Variants in PCDH11X observed in about 807,000 individuals in gnomAD.
PCDH11X encodes the protein protocadherin 11 X-linked, also known as protocadherin-11 X-linked.
A neutral mutation model predicts 53.3 loss-of-function variants in PCDH11X; 18 were observed. The ratio of observed to expected loss-of-function variants is 0.34; its 90% CI spans 0.23 to 0.50. PCDH11X has a LOEUF of 0.50. Ranked by LOEUF, PCDH11X falls within the 20% of genes least tolerant of loss-of-function variation. The pLI is 0.98. For missense variants in PCDH11X, 570 were observed against 1,032.4 expected (o/e 0.55, Z 6.14); for synonymous variants, 279 against 393.3 (o/e 0.71, Z 3.44).
At chrX:91,876,116 G>A (rs1301974899) in intron 5 of PCDH11X, among the ~76,000 whole-genome samples, 1 of 111,445 alleles carries the variant, frequency 9.0e-6, no homozygotes, top group East Asian at 2.8e-4. Flanking sequence ...TAAATAGTTC[G>A]AAAACCAAAC....
chrX:92,377,182 A>G (rs148530132), intron 8 of PCDH11X, among the ~76,000 whole-genome samples: 1,513 of 111,808 alleles, frequency 0.014, 26 homozygotes, highest in African/African-American at 0.047. Context: ...TTCAATTTGT[A>G]TATCTTAAAT....
chrX:92,548,371 A>G (rs1219385423), intron 10 of PCDH11X, among the ~76,000 whole-genome samples: 1 of 110,625 alleles, frequency 9.0e-6, no homozygotes, highest in Non-Finnish European at 1.9e-5. Context: ...GGGTTTCACT[A>G]TGTTGCTCAG....
At chrX:91,803,650 G>A (rs992941799) in intron 1 of PCDH11X, among the ~76,000 whole-genome samples, 13 of 111,058 alleles carry the variant, frequency 1.2e-4, no homozygotes, top group Admixed American at 3.9e-4. Context: ...ATATGTAAAC[G>A]GAAGTCACAA....
chrX:92,560,672 T>C (rs1419666857), intron 10 of PCDH11X, among the ~76,000 whole-genome samples: 5 of 109,704 alleles, frequency 4.6e-5, no homozygotes, highest in Non-Finnish European at 9.4e-5. Flanking sequence ...CTGGCGGTGG[T>C]TATGGCCACA....
chrX:91,881,472 A>G (rs1939904178), intron 6 of PCDH11X, among the ~76,000 whole-genome samples: 1 of 111,572 alleles, frequency 9.0e-6, no homozygotes, highest in African/African-American at 3.2e-5. Flanking sequence ...TATATATTTT[A>G]TTATTGGTTC....
chrX:92,068,779 A>T (rs1320547331), intron 6 of PCDH11X, among the ~76,000 whole-genome samples: 1 of 110,521 alleles, frequency 9.0e-6, no homozygotes, highest in Non-Finnish European at 1.9e-5. Flanking sequence ...ACCTCAAGTG[A>T]TCTGCTTGCC....
intron 9 of PCDH11X, among the ~76,000 whole-genome samples, chrX:92,444,136 A>C (rs2072577450): frequency 9.1e-6 from 1 of 109,677 alleles, no homozygotes; most frequent in South Asian, 3.9e-4. Context: ...TGGCCATATT[A>C]ATGTATTAAG....
At chrX:91,938,167 A>C (rs1489224488) in intron 6 of PCDH11X, among the ~76,000 whole-genome samples, 1 of 111,825 alleles carries the variant, frequency 8.9e-6, no homozygotes, top group Non-Finnish European at 1.9e-5. Flanking sequence ...CTTCTAAGTC[A>C]GAACATAAGT....
At chrX:92,089,993 C>A (rs2064022972) in intron 6 of PCDH11X, among the ~76,000 whole-genome samples, 1 of 106,860 alleles carries the variant, frequency 9.4e-6, no homozygotes, top group Admixed American at 1.0e-4. Context: ...TCAAGATGAT[C>A]ATCCTTATTT....
intron 6 of PCDH11X, among the ~76,000 whole-genome samples, chrX:92,023,409 C>A (rs758555917): frequency 9.2e-6 from 1 of 109,208 alleles, no homozygotes; most frequent in Admixed American, 9.8e-5. Context: ...AACTAGCAAA[C>A]CGAGAAGAAA....
intron 9 of PCDH11X, among the ~76,000 whole-genome samples, chrX:92,394,483 TA>T (rs1377849835): frequency 9.0e-6 from 1 of 110,776 alleles, no homozygotes; most frequent in African/African-American, 3.3e-5. Flanking sequence ...CTCTTCACAA[TA>T]AACCTTCTCT....
intron 6 of PCDH11X, among the ~76,000 whole-genome samples, chrX:92,018,791 A>C (rs1249810842): frequency 8.9e-6 from 1 of 112,532 alleles, no homozygotes; most frequent in Non-Finnish European, 1.9e-5. Context: ...AAAATGAAAA[A>C]GAACAGTCTC....
At chrX:91,866,944 T>C (rs986228444) in intron 5 of PCDH11X, among the ~76,000 whole-genome samples, 2 of 111,892 alleles carry the variant, frequency 1.8e-5, no homozygotes, top group African/African-American at 3.3e-5. Context: ...CTGTGTTTCA[T>C]TGAGCAAAAC....
At chrX:91,923,055 A>G (rs1203592370) in intron 6 of PCDH11X, among the ~76,000 whole-genome samples, 1 of 108,619 alleles carries the variant, frequency 9.2e-6, no homozygotes, top group African/African-American at 3.4e-5. Flanking sequence ...AGTGTAAAAA[A>G]TATATACATA....
rs184988318 is a variant in PCDH11X at position 92,447,528 on chromosome X, T to A, written c.3344-20771T>A. On this transcript the variant is annotated intron_variant, in intron 9 of 10. Coordinates refer to ENST00000682573, the MANE Select transcript of PCDH11X (RefSeq NM_032968.5). ...ATGTGATGTTGGGCCTGTGGGTGCA[T>A]GGAAGTCAAGAAATGAGGTTTGGGA... Among the ~76,000 whole-genome samples, 1,044 of 111,386 alleles carry A rather than the reference T, an allele frequency of 9.4e-3. 11 individuals are homozygous for A. Among genetic ancestry groups the A allele is most frequent in the African/African-American group, 0.032 (992 of 30,657 alleles).
chrX:91,873,256 C>A (rs535697741), intron 5 of PCDH11X, among the ~76,000 whole-genome samples: 2 of 110,171 alleles, frequency 1.8e-5, no homozygotes, highest in South Asian at 7.8e-4. Context: ...TGAAAATGTT[C>A]TACATCTGCA....
intron 8 of PCDH11X, among the ~76,000 whole-genome samples, chrX:92,270,882 T>C (rs768484968): frequency 8.9e-6 from 1 of 112,096 alleles, no homozygotes; most frequent in African/African-American, 3.2e-5. Flanking sequence ...TTTTTTCCTT[T>C]TGGCATAGTG....
At chrX:92,551,988 G>GT (rs1569503692) in intron 10 of PCDH11X, among the ~76,000 whole-genome samples, 17 of 70,745 alleles carry the variant, frequency 2.4e-4, no homozygotes, top group South Asian at 8.6e-4. Flanking sequence ...TGATTCCTCT[G>GT]GTTTTTTTTT....
intron 6 of PCDH11X, among the ~76,000 whole-genome samples, chrX:91,946,574 T>C (rs1338215916): frequency 1.2e-5 from 1 of 84,212 alleles, no homozygotes; most frequent in Non-Finnish European, 2.3e-5. Flanking sequence ...TATATATATA[T>C]ATATATATAT....
Sources: allele counts gnomAD v4.1 joint callset (sites outside exome capture counted in the v4.1 genomes callset), GRCh38; gene constraint gnomAD v4.1.1; transcripts MANE v1.5; gene names NCBI Gene and HGNC (gene_info 2026-07-23, HGNC 2026-07-21).